The following KIF17 variants were observed in gnomAD, a reference collection of about 807,000 sequenced individuals.
KIF17 encodes kinesin-like protein KIF17.
A neutral mutation model predicts 96.8 loss-of-function variants in KIF17; 80 were observed. The ratio of observed to expected loss-of-function variants is 0.83; its 90% confidence interval spans 0.69 to 1.00. The LOEUF (loss-of-function observed/expected upper bound fraction) is 1.00. Ranked by LOEUF, KIF17 falls within the 50% of genes least tolerant of loss-of-function variation. KIF17 has a pLI of 0.00. For missense variants in KIF17, 1,280 were observed against 1,372.9 expected, an observed-to-expected ratio of 0.93 and a Z score of 1.07; for synonymous variants, 567 against 587.5, an observed-to-expected ratio of 0.97 and a Z score of 0.51.
rs147482688 is a variant in KIF17 at position 20,679,729 on chromosome 1, G to A, written c.2463+2924C>T. On this transcript the variant is annotated intron_variant, in intron 11 of 14. Transcript: ENST00000400463. The stretch of plus-strand genomic sequence containing the variant: ...GCAAAAAGATGGGGACTTCAGTCCC[G>A]CAACCAACCTCATTGGACTAAATTG... 2.2e-4 allele frequency among the ~76,000 whole-genome samples: 34 copies of A among 152,214 alleles called. No individual in the cohort carries two copies. The East Asian group carries it at 5.4e-3, about 24-fold the overall frequency.
intron 11 of KIF17, among the ~76,000 whole-genome samples, chr1:20,680,933 C>T (rs975521506): frequency 2.6e-5 from 4 of 151,716 alleles, no homozygotes; most frequent in African/African-American, 9.7e-5. Context: ...ACCATCCTGG[C>T]TAATACAGTG....
Position 20,688,058 on chromosome 1 carries a change from T to A in KIF17, c.1382-114A>T, listed in dbSNP as rs2053972524. 5.7e-5 allele frequency: 53 copies of A among 929,760 alleles called. 1 individual carries two copies. In the South Asian group the frequency reaches 7.7e-4, roughly 14 times the overall value. The allele number at this position is 929,760 out of a possible 1,614,324, so 57.6% of individuals were successfully genotyped here. On this transcript the variant is annotated intron_variant, in intron 7 of 14. Coordinates refer to ENST00000400463, the MANE Select transcript of KIF17 (RefSeq NM_001122819.3). The stretch of plus-strand genomic sequence containing the variant: ...TTTTTTTGTTTGTTTTTTTTTTGTT[T>A]TTTTTTGAGACAGAGTCTTGCTCTG...
At chr1:20,692,533 A>G (rs1215890788) in intron 6 of KIF17, among the ~76,000 whole-genome samples, 1 of 151,934 alleles carries the variant, frequency 6.6e-6, no homozygotes, top group Admixed American at 6.6e-5. Flanking sequence ...TTTTTGGCAG[A>G]GATGGGGTTT....
Position 20,685,942 on chromosome 1 carries a change from T to C in KIF17, c.2019+104A>G, listed in dbSNP as rs1003312621. 1.9e-5 allele frequency: 19 copies of C among 987,270 alleles called. No homozygotes were observed. In the Middle Eastern group the frequency reaches 8.3e-4, roughly 43 times the overall value. The allele number at this position is 987,270 out of a possible 1,614,324, so 61.2% of individuals were successfully genotyped here. A position where few individuals can be genotyped will look rare whatever the true frequency, so the allele number is the denominator to read the frequency against. ...GGCTGGAGTTGTTGTTCTCAGCTCATGGATGAGGAAACTGAAGCTCAGGGA... is the reference window on the plus strand; with the variant it reads ...GGCTGGAGTTGTTGTTCTCAGCTCACGGATGAGGAAACTGAAGCTCAGGGA... On this transcript the variant is annotated intron_variant, in intron 9 of 14. Transcript: ENST00000400463. The surrounding 1 kb of genome is among the most constrained non-coding windows in gnomAD (Gnocchi z 4.1).
intron 12 of KIF17, 151 bp from the exon 13 acceptor site, chr1:20,670,639 C>T: frequency 1.3e-6 from 1 of 752,270 alleles, no homozygotes; most frequent in Non-Finnish European, 2.3e-6. Flanking sequence ...AAGAAACAGA[C>T]AGCAGGAGGG....
At chr1:20,684,524 G>A (rs896835528) in intron 10 of KIF17, among the ~76,000 whole-genome samples, 1 of 152,234 alleles carries the variant, frequency 6.6e-6, no homozygotes, top group Non-Finnish European at 1.5e-5. Flanking sequence ...AGGCCAGGGG[G>A]CTGGGGGCTT....
Position 20,715,615 on chromosome 1 carries a change from TGCCATTGTA to T in KIF17, c.247_255del (p.Tyr83_Gly85del). 6.2e-7 allele frequency: 1 copy of T among 1,613,374 alleles called. No homozygotes were observed. Among genetic ancestry groups the T allele is most frequent in the Non-Finnish European group, 8.5e-7 (1 of 1,179,676 alleles). ...CCTGTCTGGCCGTAGGCAAAGATGG[TGCCATTGTA>T]GCCCTCAGTGACGCCCTGCATGGGA... is the stretch of plus-strand genomic sequence containing the variant. On this transcript the variant is annotated inframe_deletion, in exon 2 of 15. Transcript: ENST00000400463.
intron 5 of KIF17, 152 bp from the exon 6 acceptor site, chr1:20,698,640 T>C: frequency 4.9e-6 from 3 of 612,522 alleles, no homozygotes; most frequent in Non-Finnish European, 8.8e-6. Context: ...AAAAGGCTGT[T>C]AGTCATCCAA....
intron 3 of KIF17, among the ~76,000 whole-genome samples, chr1:20,712,116 C>T (rs11799627): frequency 0.039 from 5,964 of 152,244 alleles, 382 homozygotes; most frequent in African/African-American, 0.13. Flanking sequence ...TGCCAGCCTT[C>T]GGCCCCTCTA....
At chr1:20,710,986 C>T (rs1485402027) in intron 3 of KIF17, among the ~76,000 whole-genome samples, 1 of 152,038 alleles carries the variant, frequency 6.6e-6, no homozygotes, top group African/African-American at 2.4e-5. Flanking sequence ...GAGGGCAGGT[C>T]TCGGCCCAGG....
chr1:20,704,945 A>G lies in KIF17; in HGVS notation c.671-46T>C, dbSNP rs908146769. Reference sequence around the variant, plus strand: ...GTGGCGAGGGCCTCGGGTGAGCCCTATGTATCGAGGGCAATCAGTGCCAGG... The same window carrying G: ...GTGGCGAGGGCCTCGGGTGAGCCCTGTGTATCGAGGGCAATCAGTGCCAGG... On this transcript the variant is annotated intron_variant, in intron 4 of 14. Transcript: ENST00000400463. The surrounding 1 kb of genome is among the most constrained non-coding windows in gnomAD (Gnocchi z 6.8). The G allele has an allele frequency of 1.3e-6, 2 of 1,545,984 alleles. No individual in the cohort carries two copies. Among genetic ancestry groups the G allele is most frequent in the African/African-American group, 2.7e-5 (2 of 73,828 alleles).
At position 20,668,036 on chromosome 1, in the gene KIF17, C is replaced by T. The variant is rs186573026; in HGVS notation, c.2791-1705G>A. ...AAAAAAAAAAAAAGAGGTGGCCGGGCGCGGTGGCTCATGCCTGTAATCCCA... is the reference window on the plus strand; with the variant it reads ...AAAAAAAAAAAAAGAGGTGGCCGGGTGCGGTGGCTCATGCCTGTAATCCCA... On this transcript the variant is annotated intron_variant, in intron 13 of 14. Coordinates refer to ENST00000400463, the MANE Select transcript of KIF17 (RefSeq NM_001122819.3). Among the ~76,000 whole-genome samples, 49 of 143,100 alleles carry T rather than the reference C, an allele frequency of 3.4e-4. 1 individual carries two copies. The East Asian group carries it at 7.2e-3, about 21-fold the overall frequency. The allele number at this position is 143,100 out of a possible 152,430, so 93.9% of individuals were successfully genotyped here.
intron 1 of KIF17, 91 bp downstream of exon 1, chr1:20,717,385 C>T: frequency 6.8e-7 from 1 of 1,479,410 alleles, no homozygotes; most frequent in Non-Finnish European, 9.2e-7. Flanking sequence ...AGGGCCTTTC[C>T]TCCTGGCTGG....
chr1:20,712,933 T>TATATTATAGATATAG (rs2054502775), intron 3 of KIF17, among the ~76,000 whole-genome samples: 1 of 105,144 alleles, frequency 9.5e-6, no homozygotes, highest in Non-Finnish European at 1.9e-5. Flanking sequence ...CTATATTATC[T>TATATTATAGATATAG]ATAATATTAT....
At chr1:20,708,751 G>A (rs970047009) in intron 4 of KIF17, among the ~76,000 whole-genome samples, 1 of 152,200 alleles carries the variant, frequency 6.6e-6, no homozygotes, top group East Asian at 1.9e-4. Context: ...TAAGACTGTC[G>A]TGAGATTTAA....
chr1:20,685,923 AGTT>A lies in KIF17; in HGVS notation c.2019+120_2019+122del, dbSNP rs1228764141. On this transcript the variant is annotated intron_variant, in intron 9 of 14. Transcript: ENST00000400463. This position sits in a 1 kb window ranked among gnomAD's most constrained non-coding sequence, Gnocchi z 4.1. ...GGGCCACAAGCCCGGGGAAGGCTGGAGTTGTTGTTCTCAGCTCATGGATGAGGA... is the reference window on the plus strand; with the variant it reads ...GGGCCACAAGCCCGGGGAAGGCTGGAGTTGTTCTCAGCTCATGGATGAGGA... 7.0e-5 allele frequency: 57 copies of A among 819,218 alleles called. No individual in the cohort carries two copies. Among genetic ancestry groups the A allele is most frequent in the Middle Eastern group, 6.7e-4 (3 of 4,500 alleles). The allele number at this position is 819,218 out of a possible 1,614,324, so 50.7% of individuals were successfully genotyped here. A position where few individuals can be genotyped will look rare whatever the true frequency, so the allele number is the denominator to read the frequency against.
intron 6 of KIF17, among the ~76,000 whole-genome samples, chr1:20,695,900 G>C (rs145062767): frequency 4.3e-4 from 65 of 152,186 alleles, no homozygotes; most frequent in Non-Finnish European, 8.2e-4. Flanking sequence ...CCCAGCACGC[G>C]CTCACAATAT....
intron 14 of KIF17, 110 bp from the exon 15 acceptor site, chr1:20,664,872 G>T (rs1022902358): frequency 3.0e-5 from 31 of 1,033,892 alleles, no homozygotes; most frequent in Non-Finnish European, 3.7e-5. Context: ...CCGCCCCCCT[G>T]CCCAGCCAGA....
chr1:20,665,370 GGCAT>G (rs367719730), intron 14 of KIF17, among the ~76,000 whole-genome samples: 122 of 147,906 alleles, frequency 8.2e-4, no homozygotes, highest in African/African-American at 3.0e-3. Flanking sequence ...TGTAATTACA[GGCAT>G]GCATCACCAT....
Sources: allele counts gnomAD v4.1 joint callset (sites outside exome capture counted in the v4.1 genomes callset), GRCh38; gene constraint gnomAD v4.1.1; non-coding constraint Gnocchi (gnomAD v3.1); transcripts MANE v1.5; gene names NCBI Gene and HGNC (gene_info 2026-07-23, HGNC 2026-07-21).